MRS2: variants seen among roughly 807,000 people sequenced by gnomAD.
MRS2 encodes magnesium transporter MRS2 homolog, mitochondrial.
Under a neutral mutation model 52.6 loss-of-function variants are expected in MRS2, and 40 were observed. That is an observed-to-expected ratio of 0.76 (90% CI 0.59 to 0.99). The LOEUF (loss-of-function observed/expected upper bound fraction) is 0.99, where lower values mean the gene tolerates loss of function less well. Ranked by LOEUF, MRS2 falls within the 50% of genes least tolerant of loss-of-function variation. MRS2 has a pLI of 0.00. For synonymous variants in MRS2, 193 were observed against 195.9 expected (o/e 0.98, Z 0.13); for missense variants, 472 against 532.7 (o/e 0.89, Z 1.12).
chr6:24,413,287 C>T lies in MRS2; in HGVS notation c.588+892C>T, dbSNP rs562004939. Among the ~76,000 whole-genome samples, 9 of 152,126 alleles carry T rather than the reference C, an allele frequency of 5.9e-5. No homozygotes were observed. In the South Asian group the frequency reaches 6.2e-4, roughly 11 times the overall value. ...GAGAGGCTAGGCTGGCATGGGTCTCCGGCCTAGAGATTGGCTGTGGGGAGA... is the reference window on the plus strand; with the variant it reads ...GAGAGGCTAGGCTGGCATGGGTCTCTGGCCTAGAGATTGGCTGTGGGGAGA... On this transcript the variant is annotated intron_variant, in intron 5 of 10. Transcript: ENST00000378386.
In MRS2 at chr6:24,409,697, G is replaced by A; in HGVS notation, c.414+124G>A. On this transcript the variant is annotated intron_variant, in intron 4 of 10. Coordinates refer to ENST00000378386, the MANE Select transcript of MRS2 (RefSeq NM_020662.4). ...AATAGAAATAGCTACCTGAAACATA[G>A]GATGTTTTATAGCTTAATATGCTAT... The A allele has an allele frequency of 8.3e-6, 5 of 605,936 alleles. No individual in the cohort carries two copies. In the South Asian group the frequency reaches 1.2e-4, roughly 14 times the overall value. 37.5% of individuals were successfully genotyped at this position (605,936 alleles called of 1,614,324 possible).
intron 10 of MRS2, 38 bp downstream of exon 10, chr6:24,423,088 G>A (rs372032966): frequency 2.6e-6 from 4 of 1,537,510 alleles, no homozygotes; most frequent in Non-Finnish European, 3.6e-6. Flanking sequence ...TTGTGGAAGG[G>A]TTATGATCAT....
Position 24,418,139 on chromosome 6 carries a change from AACT to A in MRS2, c.898_900del (p.Tyr300del). On this transcript the variant is annotated inframe_deletion, in exon 8 of 11. Coordinates refer to ENST00000378386, the MANE Select transcript of MRS2 (RefSeq NM_020662.4). ...AGAAGAGATGGAGTTGCTGTTGGAA[AACT>A]ACTACCGATTGGCTGACGATCTCTC... The A allele has an allele frequency of 1.2e-6, 2 of 1,613,764 alleles. No individual in the cohort carries two copies. Among genetic ancestry groups the A allele is most frequent in the Non-Finnish European group, 1.7e-6 (2 of 1,179,816 alleles).
chr6:24,405,063 A>G (rs1761417014), intron 1 of MRS2, 105 bp from the exon 2 acceptor site: 1 of 658,348 alleles, frequency 1.5e-6, no homozygotes, highest in South Asian at 2.1e-5. Flanking sequence ...ATATTTAAAA[A>G]TAATAAAATA....
rs766716109 is a variant in MRS2, at chr6:24,425,853, A to AT, written c.*2163dup. On this transcript the variant is annotated 3_prime_UTR_variant, in exon 11 of 11. Coordinates refer to ENST00000378386, the MANE Select transcript of MRS2 (RefSeq NM_020662.4). ...CCAATTTTATATTAAAAAGCTATTT[A>AT]TTTTGGTGAGTTATTCCAAGAGTTG... 17 of 152,214 alleles carry AT rather than the reference A, an allele frequency of 1.1e-4. No homozygotes were observed. The highest frequency in any genetic ancestry group is 1.6e-4 in the Non-Finnish European group (11 of 68,024). The allele number at this position is 152,214 out of a possible 1,614,324, so 9.4% of individuals were successfully genotyped here.
chr6:24,423,538 TTTC>T lies in MRS2; in HGVS notation c.1222-43_1222-41del, dbSNP rs759931351. ...ATAATACATCATTTTACTAGTGGCT[TTTC>T]TTTTAAAAAAGATACTAAAATTAAT... is the stretch of plus-strand genomic sequence containing the variant. On this transcript the variant is annotated intron_variant, in intron 10 of 10. Transcript: ENST00000378386. 1.3e-5 allele frequency: 15 copies of T among 1,160,816 alleles called. No homozygotes were observed. The East Asian group carries it at 3.7e-4, about 29-fold the overall frequency. 71.9% of individuals were successfully genotyped at this position (1,160,816 alleles called of 1,614,324 possible). A position where few individuals can be genotyped will look rare whatever the true frequency, so the allele number is the denominator to read the frequency against.
At chr6:24,416,638 A>T (rs1761859193) in intron 7 of MRS2, 125 bp downstream of exon 7, 1 of 686,212 alleles carries the variant, frequency 1.5e-6, no homozygotes, top group Non-Finnish European at 2.6e-6. Context: ...GAGATTTTTC[A>T]TCCCCAGTTT....
At chr6:24,417,088 G>T (rs1023054267) in intron 7 of MRS2, among the ~76,000 whole-genome samples, 3 of 152,134 alleles carry the variant, frequency 2.0e-5, no homozygotes, top group African/African-American at 7.2e-5. Context: ...TCCACAGTCT[G>T]TACAGATTTT....
In MRS2 at chr6:24,409,393, G is replaced by C. The variant is rs116845037; in HGVS notation, c.302-68G>C. On this transcript the variant is annotated intron_variant, in intron 3 of 10. Transcript: ENST00000378386. ...TTGTCTTGATGGTGGTGGGAGGACTGCTCTGATGGAAAAATCTAAGCCATT... is the reference window on the plus strand; with the variant it reads ...TTGTCTTGATGGTGGTGGGAGGACTCCTCTGATGGAAAAATCTAAGCCATT... 1.3e-3 allele frequency: 1,248 copies of C among 931,848 alleles called. 30 individuals carry two copies. The East Asian group carries it at 0.027, about 21-fold the overall frequency. 57.7% of individuals were successfully genotyped at this position (931,848 alleles called of 1,614,324 possible). A position where few individuals can be genotyped will look rare whatever the true frequency, so the allele number is the denominator to read the frequency against.
At position 24,412,268 on chromosome 6, in the gene MRS2, ATCGTAATTT is replaced by A. The variant is rs1314862673; in HGVS notation, c.462_470del (p.Tyr154_Leu157delinsTer). On this transcript the variant is annotated stop_gained and inframe_deletion, in exon 5 of 11. Coordinates refer to ENST00000378386, the MANE Select transcript of MRS2 (RefSeq NM_020662.4). LOFTEE classifies it high-confidence loss of function. ...CCAGAGTGTCTTCTGATATTAGATT[ATCGTAATTT>A]AAACTTAGAGCAATGGCTGTTCCGG... 1 of 1,600,928 alleles carries A rather than the reference ATCGTAATTT, an allele frequency of 6.2e-7. No individual in the cohort carries two copies. The highest frequency in any genetic ancestry group is 1.1e-5 in the South Asian group (1 of 88,222).
chr6:24,418,671 G>C, intron 9 of MRS2, 93 bp downstream of exon 9: 1 of 944,676 alleles, frequency 1.1e-6, no homozygotes, highest in South Asian at 1.4e-5. Context: ...GGCTGAGGCA[G>C]GTGGATCACC....
rs1482361418 is a variant in MRS2, at chr6:24,423,613, G to T, written c.1251G>T (p.Leu417=). 6.2e-7 allele frequency: 1 copy of T among 1,609,028 alleles called. No individual in the cohort carries two copies. Among genetic ancestry groups the T allele is most frequent in the South Asian group, 1.1e-5 (1 of 90,884 alleles). The change falls in exon 11 of 11, where the codon CTG becomes CTT. Residue 417 remains leucine (L), a synonymous_variant. Transcript: ENST00000378386. ...MMASLPKKTL[L]ADRSMELKNS... ...CTTCTTTACCTAAAAAGACTCTTCTGGCAGATAGAAGCATGGAATTGAAAA... is the reference window on the plus strand; with the variant it reads ...CTTCTTTACCTAAAAAGACTCTTCTTGCAGATAGAAGCATGGAATTGAAAA...
intron 2 of MRS2, among the ~76,000 whole-genome samples, chr6:24,407,391 G>T (rs543011837): frequency 6.6e-6 from 1 of 152,006 alleles, no homozygotes; most frequent in Admixed American, 6.6e-5. Flanking sequence ...AGTTTTTATT[G>T]TGTGATTAAC....
At chr6:24,417,737 T>C (rs887236021) in intron 7 of MRS2, among the ~76,000 whole-genome samples, 1 of 151,756 alleles carries the variant, frequency 6.6e-6, no homozygotes, top group Non-Finnish European at 1.5e-5. Context: ...AGGTCAGGAG[T>C]TCGAGACCAG....
intron 2 of MRS2, among the ~76,000 whole-genome samples, chr6:24,407,181 G>C (rs1205248949): frequency 7.3e-6 from 1 of 137,382 alleles, no homozygotes; most frequent in Non-Finnish European, 1.7e-5. Context: ...GATTAATATA[G>C]TTTTATGTTA....
rs1369707547 is a variant in MRS2 at position 24,412,388 on chromosome 6, A to G, written c.581A>G (p.Gln194Arg). The change falls in exon 5 of 11, where the codon CAA becomes CGA. Residue 194 changes from glutamine to arginine, a missense_variant. Transcript: ENST00000378386. ...FEFRAIEALL[Q>R]YWINTLQGKL... Reference sequence around the variant, plus strand: ...TTTAGAGCTATAGAAGCACTCCTGCAATATTGGGTAAGTCTGTTTTTATTT... The same window carrying G: ...TTTAGAGCTATAGAAGCACTCCTGCGATATTGGGTAAGTCTGTTTTTATTT... 6.5e-7 allele frequency: 1 copy of G among 1,543,926 alleles called. No individual in the cohort carries two copies. The highest frequency in any genetic ancestry group is 1.3e-5 in the South Asian group (1 of 79,668).
chr6:24,411,374 A>G (rs1446426359), intron 4 of MRS2, among the ~76,000 whole-genome samples: 1 of 152,094 alleles, frequency 6.6e-6, no homozygotes, highest in African/African-American at 2.4e-5. Context: ...TAGTAAGGCT[A>G]TGTTTCATCT....
intron 4 of MRS2, among the ~76,000 whole-genome samples, chr6:24,411,997 GA>G (rs67011833): frequency 2.0e-4 from 28 of 139,352 alleles, no homozygotes; most frequent in East Asian, 4.0e-4. Flanking sequence ...CTTTTCTTTT[GA>G]AAAAAAAAAC....
At chr6:24,423,367 C>A in intron 10 of MRS2, 3 of 478,878 alleles carry the variant, frequency 6.3e-6, no homozygotes, top group South Asian at 6.9e-5. Flanking sequence ...TTTGTCATAA[C>A]CAAATGGAAA....
Sources: allele counts gnomAD v4.1 joint callset (sites outside exome capture counted in the v4.1 genomes callset), GRCh38; gene constraint gnomAD v4.1.1; transcripts MANE v1.5; gene names NCBI Gene and HGNC (gene_info 2026-07-23, HGNC 2026-07-21).